The following MAP3K5 variants were observed in gnomAD, a reference collection of about 807,000 sequenced individuals.
MAP3K5 encodes the protein mitogen-activated protein kinase kinase kinase 5.
A neutral mutation model predicts 158.7 loss-of-function variants in MAP3K5; 56 were observed. That is an observed-to-expected ratio of 0.35 (90% CI 0.28 to 0.44). The LOEUF is 0.44. Ranked by LOEUF, MAP3K5 falls within the 20% of genes least tolerant of loss-of-function variation. MAP3K5 has a pLI of 1.00. For missense variants in MAP3K5, 1,294 were observed against 1,674.8 expected (o/e 0.77, Z 3.97); for synonymous variants, 579 against 601.7 (o/e 0.96, Z 0.55).
At chr6:136,654,202 C>CATT (rs1778643818) in intron 10 of MAP3K5, among the ~76,000 whole-genome samples, 1 of 152,220 alleles carries the variant, frequency 6.6e-6, no homozygotes, top group African/African-American at 2.4e-5. Context: ...GGATCCCTTA[C>CATT]ACAATCCTAT....
intron 28 of MAP3K5, among the ~76,000 whole-genome samples, 161 bp from the exon 29 acceptor site, chr6:136,559,037 T>C (rs1330630129): frequency 1.3e-5 from 2 of 151,910 alleles, no homozygotes; most frequent in African/African-American, 4.9e-5. Context: ...AAGGCCTCCC[T>C]GTTACTCAAT....
chr6:136,661,853 T>C (rs1353836457), intron 8 of MAP3K5, among the ~76,000 whole-genome samples: 1 of 152,222 alleles, frequency 6.6e-6, no homozygotes, highest in Non-Finnish European at 1.5e-5. Context: ...ATAATAGTTT[T>C]AAAATAAAAT....
At chr6:136,559,276 C>CG (rs1562504820) in intron 28 of MAP3K5, among the ~76,000 whole-genome samples, 1 of 152,134 alleles carries the variant, frequency 6.6e-6, no homozygotes, top group African/African-American at 2.4e-5. Context: ...CGCTTGAACC[C>CG]GGGAGGCAGA....
At chr6:136,687,470 C>T (rs1031078847) in intron 7 of MAP3K5, among the ~76,000 whole-genome samples, 1 of 152,004 alleles carries the variant, frequency 6.6e-6, no homozygotes, top group African/African-American at 2.4e-5. Flanking sequence ...AAGAAACTAC[C>T]ATCAGAATGA....
chr6:136,696,711 T>G lies in MAP3K5; in HGVS notation c.975+508A>C, dbSNP rs116210373. Among the ~76,000 whole-genome samples, 1,070 of 152,342 alleles carry G rather than the reference T, an allele frequency of 7.0e-3. 13 individuals carry two copies. Among genetic ancestry groups the G allele is most frequent in the African/African-American group, 0.025 (1,033 of 41,574 alleles). On this transcript the variant is annotated intron_variant, in intron 5 of 29. Transcript: ENST00000359015. ...AAATTTTAAGACATGTCAATAAAAATGATATAACCTGTTAGTGTGTTTTAC... is the reference window on the plus strand; with the variant it reads ...AAATTTTAAGACATGTCAATAAAAAGGATATAACCTGTTAGTGTGTTTTAC...
chr6:136,625,946 G>A (rs1429376238), intron 14 of MAP3K5, among the ~76,000 whole-genome samples: 1 of 152,128 alleles, frequency 6.6e-6, no homozygotes, highest in Non-Finnish European at 1.5e-5. Flanking sequence ...AGACTTGAAA[G>A]AGAATTGAAT....
chr6:136,757,540 A>G (rs756950350), intron 1 of MAP3K5, among the ~76,000 whole-genome samples: 3 of 151,864 alleles, frequency 2.0e-5, no homozygotes, highest in Non-Finnish European at 4.4e-5. Context: ...AGATCAACAG[A>G]CATTAATCAG....
intron 2 of MAP3K5, among the ~76,000 whole-genome samples, chr6:136,716,027 CAAAAAAAAAAAAAAAAAAAAAAAAA>C (rs60678515): frequency 6.9e-4 from 16 of 23,022 alleles, no homozygotes; most frequent in South Asian, 2.6e-3. Context: ...AAGATCGTCT[CAAAAAAAAAAAAAAAAAAAAAAAAA>C]AAAAAAAAAA....
chr6:136,665,780 T>C (rs1044658314), intron 8 of MAP3K5, among the ~76,000 whole-genome samples: 1 of 152,228 alleles, frequency 6.6e-6, no homozygotes, highest in African/African-American at 2.4e-5. Flanking sequence ...AAGGAGTTTT[T>C]CAGTGGTTGG....
intron 1 of MAP3K5, among the ~76,000 whole-genome samples, chr6:136,779,938 G>T (rs1230567885): frequency 6.6e-6 from 1 of 152,244 alleles, no homozygotes; most frequent in Admixed American, 6.5e-5. Context: ...AACGGCTTCA[G>T]ATGGCAGAGT....
At chr6:136,668,842 C>T (rs1445347481) in intron 8 of MAP3K5, among the ~76,000 whole-genome samples, 2 of 152,176 alleles carry the variant, frequency 1.3e-5, no homozygotes, top group South Asian at 2.1e-4. Flanking sequence ...AGGCTCTTCC[C>T]CCAACACCGG....
chr6:136,720,137 A>G (rs1487255212), intron 2 of MAP3K5, among the ~76,000 whole-genome samples: 1 of 152,182 alleles, frequency 6.6e-6, no homozygotes, highest in Non-Finnish European at 1.5e-5. Context: ...GTGACAAAGC[A>G]TGGAGGCTTG....
intron 21 of MAP3K5, among the ~76,000 whole-genome samples, chr6:136,596,348 T>A (rs1775629809): frequency 6.6e-6 from 1 of 151,958 alleles, no homozygotes; most frequent in Non-Finnish European, 1.5e-5. Flanking sequence ...GAAAGGCACT[T>A]GTTGGATTTG....
rs374226422 is a variant in MAP3K5 at position 136,656,318 on chromosome 6, C to T, written c.1669G>A (p.Val557Ile). Reference protein sequence around the residue: ...VEATKTDVTVVRFPVLILEPT... With the variant: ...VEATKTDVTVIRFPVLILEPT... Reference sequence around the variant, plus strand: ...GGAAGAGTACTCACTGGAAACCTAACCACAGTAACATCTGTCTTTGTGGCC... The same window carrying T: ...GGAAGAGTACTCACTGGAAACCTAATCACAGTAACATCTGTCTTTGTGGCC... The change falls in exon 10 of 30, where the codon GTT becomes ATT. Residue 557 changes from valine to isoleucine, a missense_variant. Val to Ile is a conservative substitution (Grantham distance 29). Transcript: ENST00000359015. 1 of 1,613,850 alleles carries T rather than the reference C, an allele frequency of 6.2e-7. No homozygotes were observed. Among genetic ancestry groups the T allele is most frequent in the Non-Finnish European group, 8.5e-7 (1 of 1,179,832 alleles).
intron 25 of MAP3K5, among the ~76,000 whole-genome samples, chr6:136,577,354 C>T (rs1257602389): frequency 1.3e-5 from 2 of 152,126 alleles, no homozygotes; most frequent in Non-Finnish European, 2.9e-5. Flanking sequence ...TGTATATGGA[C>T]TTATCTTATC....
chr6:136,759,288 A>G (rs1038412573), intron 1 of MAP3K5, among the ~76,000 whole-genome samples: 1 of 151,924 alleles, frequency 6.6e-6, no homozygotes, highest in Non-Finnish European at 1.5e-5. Context: ...AGGCTGAACA[A>G]TACAGGCAAA....
In MAP3K5 at chr6:136,567,651, C is replaced by G; in HGVS notation, c.3741G>C (p.Arg1247Ser). The change falls in exon 26 of 30, where the codon AGG becomes AGC. Residue 1247 changes from arginine (R) to serine (S), a missense_variant. This residue lies in a region of MAP3K5 where 199 missense variants were observed against 220.3 expected (regional missense o/e 0.90). Coordinates refer to ENST00000359015, the MANE Select transcript of MAP3K5 (RefSeq NM_005923.4). ...CTTACCTATTGGTTTCTATTTTCATCCTTCCAAGCTGTACATTCAGTGACC... is the reference window on the plus strand; with the variant it reads ...CTTACCTATTGGTTTCTATTTTCATGCTTCCAAGCTGTACATTCAGTGACC... ...AHRSLNVQLG[R>S]MKIETNRLLE... 1 of 1,613,760 alleles carries G rather than the reference C, an allele frequency of 6.2e-7. No homozygotes were observed. The highest frequency in any genetic ancestry group is 8.5e-7 in the Non-Finnish European group (1 of 1,179,796).
At position 136,583,728 on chromosome 6, in the gene MAP3K5, G is replaced by A. The variant is rs780249179; in HGVS notation, c.3238C>T (p.Pro1080Ser). The change falls in exon 24 of 30, where the codon CCG (proline) becomes TCG (serine). Residue 1080 changes from proline to serine, a missense_variant. Transcript: ENST00000359015. ...MESLAQGAEE[P>S]KLKWEHITTL... ...GTGATGTGTTCCCATTTTAGTTTCG[G>A]TTCTTCAGCCCCCTGTGAATAAAAA... 6.2e-7 allele frequency: 1 copy of A among 1,613,886 alleles called. No individual in the cohort carries two copies. Among genetic ancestry groups the A allele is most frequent in the South Asian group, 1.1e-5 (1 of 91,060 alleles).
chr6:136,649,113 G>A (rs978424057), intron 11 of MAP3K5, among the ~76,000 whole-genome samples: 1 of 152,186 alleles, frequency 6.6e-6, no homozygotes, highest in Non-Finnish European at 1.5e-5. Flanking sequence ...GGGATTACAG[G>A]CAAGTGCCAC....
Sources: allele counts gnomAD v4.1 joint callset (sites outside exome capture counted in the v4.1 genomes callset), GRCh38; gene constraint gnomAD v4.1.1; regional missense constraint gnomAD v4.1.1; transcripts MANE v1.5; gene names NCBI Gene and HGNC (gene_info 2026-07-23, HGNC 2026-07-21).